The following DGKI variants were observed in gnomAD, a reference collection of about 807,000 sequenced individuals.
The protein encoded by DGKI is DAG kinase iota.
A neutral mutation model predicts 147.5 loss-of-function variants in DGKI; 55 were observed. That is an observed-to-expected ratio of 0.37 (90% CI 0.30 to 0.47). The LOEUF is 0.47. DGKI is among the 20% of genes least tolerant of loss of function. The probability of loss-of-function intolerance (pLI) is 1.00; values close to 1 mark genes in which losing one functional copy is unlikely to be tolerated. For synonymous variants in DGKI, 469 were observed against 477.1 expected, an observed-to-expected ratio of 0.98 and a Z score of 0.22; for missense variants, 1,007 against 1,323.8, an observed-to-expected ratio of 0.76 and a Z score of 3.71.
chr7:137,664,171 G>T (rs1316224634), intron 3 of DGKI, among the ~76,000 whole-genome samples: 6 of 152,132 alleles, frequency 3.9e-5, no homozygotes, highest in Admixed American at 3.9e-4. Flanking sequence ...GAGGCTGGGA[G>T]TTCAAGACCA....
chr7:137,819,129 AC>A (rs1020870955), intron 1 of DGKI, among the ~76,000 whole-genome samples: 2 of 152,080 alleles, frequency 1.3e-5, no homozygotes, highest in Admixed American at 6.6e-5. Context: ...CTCCAGCTTA[AC>A]TGGGAACCTG....
chr7:137,535,368 T>C (rs1287433641), intron 20 of DGKI, among the ~76,000 whole-genome samples: 1 of 152,082 alleles, frequency 6.6e-6, no homozygotes, highest in East Asian at 1.9e-4. Context: ...CATAGAAAAA[T>C]CTAAAAAACA....
In DGKI at chr7:137,638,613, C is replaced by CATATATGTATATGTGTATATATAT. The variant is rs1554446609; in HGVS notation, c.804+6858_804+6859insATATATATACACATATACATATAT. ...ATATATACATATATGTATATATATACACACACACATATATATGTGTGTATA... is the reference window on the plus strand; with the variant it reads ...ATATATACATATATGTATATATATACATATATGTATATGTGTATATATATACACACACATATATATGTGTGTATA... On this transcript the variant is annotated intron_variant, in intron 6 of 32. Coordinates refer to ENST00000614521, the MANE Select transcript of DGKI (RefSeq NM_001321708.2). Among the ~76,000 whole-genome samples, 5 of 15,746 alleles carry CATATATGTATATGTGTATATATAT rather than the reference C, an allele frequency of 3.2e-4. 1 individual carries two copies. The highest frequency in any genetic ancestry group is 4.7e-4 in the Non-Finnish European group (5 of 10,644). 10.3% of individuals were successfully genotyped at this position (15,746 alleles called of 152,430 possible). A position where few individuals can be genotyped will look rare whatever the true frequency, so the allele number is the denominator to read the frequency against.
At chr7:137,471,962 AT>A in intron 23 of DGKI, among the ~76,000 whole-genome samples, 1 of 126,862 alleles carries the variant, frequency 7.9e-6, no homozygotes, top group African/African-American at 3.4e-5. Flanking sequence ...TATATTATAT[AT>A]TATATACATG....
chr7:137,532,872 T>C (rs1817388789), intron 20 of DGKI, among the ~76,000 whole-genome samples: 1 of 152,170 alleles, frequency 6.6e-6, no homozygotes, highest in African/African-American at 2.4e-5. Flanking sequence ...TAAAGACATT[T>C]CTAGAACAGA....
At chr7:137,735,139 G>A (rs75635031) in intron 1 of DGKI, among the ~76,000 whole-genome samples, 726 of 152,144 alleles carry the variant, frequency 4.8e-3, no homozygotes, top group Non-Finnish European at 7.2e-3. Context: ...TGAAAAACAC[G>A]TCTGTCCCAT....
At chr7:137,510,808 G>C (rs939226487) in intron 21 of DGKI, among the ~76,000 whole-genome samples, 29 of 152,162 alleles carry the variant, frequency 1.9e-4, no homozygotes, top group African/African-American at 6.3e-4. Context: ...TCTAAAATCA[G>C]CTGAAGGGGC....
chr7:137,687,786 G>A (rs2116443359), intron 2 of DGKI, among the ~76,000 whole-genome samples: 1 of 152,232 alleles, frequency 6.6e-6, no homozygotes, highest in African/African-American at 2.4e-5. Context: ...TCAAGGAAGG[G>A]CTTTCGGTTT....
chr7:137,717,250 G>A (rs1188537625), intron 1 of DGKI, among the ~76,000 whole-genome samples: 2 of 152,150 alleles, frequency 1.3e-5, no homozygotes, highest in Non-Finnish European at 2.9e-5. Context: ...ATGTGGGAGG[G>A]CCCATTATTT....
At chr7:137,595,769 C>T (rs575449752) in intron 12 of DGKI, among the ~76,000 whole-genome samples, 447 of 151,926 alleles carry the variant, frequency 2.9e-3, no homozygotes, top group Non-Finnish European at 5.2e-3. Context: ...TTTGGGAGGC[C>T]GAGGCAGGTG....
intron 1 of DGKI, among the ~76,000 whole-genome samples, chr7:137,819,037 C>A (rs956810138): frequency 6.6e-6 from 1 of 152,168 alleles, no homozygotes; most frequent in Admixed American, 6.5e-5. Context: ...AGGTGATGAT[C>A]CTAAGGCTCT....
chr7:137,418,393 A>G (rs1812438146), intron 28 of DGKI, among the ~76,000 whole-genome samples: 1 of 152,218 alleles, frequency 6.6e-6, no homozygotes, highest in Non-Finnish European at 1.5e-5. Flanking sequence ...TCACACAGAA[A>G]AAGAATTATT....
chr7:137,729,264 TCA>T (rs1419621477), intron 1 of DGKI, among the ~76,000 whole-genome samples: 4 of 152,244 alleles, frequency 2.6e-5, no homozygotes, highest in Admixed American at 1.3e-4. Context: ...TATAGAAAAC[TCA>T]GTTTTCTCAC....
chr7:137,820,971 G>C (rs1440043407), intron 1 of DGKI, among the ~76,000 whole-genome samples: 1 of 152,164 alleles, frequency 6.6e-6, no homozygotes, highest in African/African-American at 2.4e-5. Flanking sequence ...CAGCCCTAGA[G>C]GGGGAGAGCA....
chr7:137,748,170 AC>A (rs756490894), intron 1 of DGKI, among the ~76,000 whole-genome samples: 93 of 152,278 alleles, frequency 6.1e-4, no homozygotes, highest in Non-Finnish European at 1.1e-3. Flanking sequence ...AATTCTACAA[AC>A]ACAGTTTTGT....
intron 28 of DGKI, among the ~76,000 whole-genome samples, chr7:137,415,612 G>C (rs1041349769): frequency 3.9e-5 from 6 of 152,178 alleles, no homozygotes; most frequent in African/African-American, 1.4e-4. Flanking sequence ...TAATAGGAGA[G>C]AAAGAAGGTT....
intron 20 of DGKI, among the ~76,000 whole-genome samples, chr7:137,540,486 G>A (rs1817650483): frequency 6.6e-6 from 1 of 152,002 alleles, no homozygotes; most frequent in African/African-American, 2.4e-5. Context: ...AATTTAGTAA[G>A]GCCAATAGGA....
chr7:137,681,714 T>C (rs1823241097), intron 2 of DGKI, among the ~76,000 whole-genome samples: 1 of 152,224 alleles, frequency 6.6e-6, no homozygotes, highest in East Asian at 1.9e-4. Context: ...CTTTAGAAAG[T>C]GAAGTCCAAA....
chr7:137,467,005 C>G (rs576830332), intron 24 of DGKI, 63 bp from the exon 25 acceptor site: 17 of 1,525,104 alleles, frequency 1.1e-5, no homozygotes, highest in Non-Finnish European at 1.5e-5. Flanking sequence ...AAATTTATAA[C>G]CTTCTCTTCG....
Sources: allele counts gnomAD v4.1 joint callset (sites outside exome capture counted in the v4.1 genomes callset), GRCh38; gene constraint gnomAD v4.1.1; transcripts MANE v1.5; gene names NCBI Gene and HGNC (gene_info 2026-07-23, HGNC 2026-07-21).